The following ODAD2 variants were observed in gnomAD, a reference collection of about 807,000 sequenced individuals.
ODAD2 encodes outer dynein arm-docking complex subunit 2.
ODAD2 carries 89 observed loss-of-function variants against 106.8 expected under a neutral mutation model. The observed-to-expected ratio is 0.83, with a 90% CI of 0.70 to 0.99. The LOEUF (loss-of-function observed/expected upper bound fraction) is 0.99. ODAD2 is among the 50% of genes least tolerant of loss of function. ODAD2 has a pLI of 0.00. For synonymous variants in ODAD2, 404 were observed against 436.2 expected (o/e 0.93, Z 0.92); for missense variants, 1,168 against 1,238.5 (o/e 0.94, Z 0.85).
chr10:27,993,809 G>A (rs1412171132), intron 2 of ODAD2, among the ~76,000 whole-genome samples: 1 of 152,100 alleles, frequency 6.6e-6, no homozygotes, highest in Non-Finnish European at 1.5e-5. Flanking sequence ...ATCCCAAAGG[G>A]AGAAAAGGGA....
chr10:27,938,050 T>C (rs1479963644), intron 14 of ODAD2, among the ~76,000 whole-genome samples: 1 of 152,098 alleles, frequency 6.6e-6, no homozygotes, highest in African/African-American at 2.4e-5. Flanking sequence ...TTCAAGCAAT[T>C]CTCGTGCCTC....
chr10:27,857,294 T>C (rs2133286734), intron 19 of ODAD2, among the ~76,000 whole-genome samples: 1 of 152,352 alleles, frequency 6.6e-6, no homozygotes, highest in African/African-American at 2.4e-5. Context: ...TTCCTCTAGC[T>C]AATTTTATTG....
intron 17 of ODAD2, among the ~76,000 whole-genome samples, chr10:27,900,024 C>T (rs1442314799): frequency 6.6e-6 from 1 of 152,180 alleles, no homozygotes; most frequent in African/African-American, 2.4e-5. Context: ...GACTGGGAGA[C>T]ACCTCCCAGC....
intron 17 of ODAD2, among the ~76,000 whole-genome samples, chr10:27,878,162 G>T (rs79444079): frequency 0.03 from 4,498 of 152,164 alleles, 139 homozygotes; most frequent in East Asian, 0.13. Context: ...AACAAAAACA[G>T]TCATTGAGAA....
intron 9 of ODAD2, among the ~76,000 whole-genome samples, chr10:27,963,553 C>T (rs2132875781): frequency 6.6e-6 from 1 of 152,214 alleles, no homozygotes; most frequent in South Asian, 2.1e-4. Flanking sequence ...CAATACTTTT[C>T]CTCTAACTCT....
At chr10:27,844,371 A>T (rs907307185) in intron 19 of ODAD2, among the ~76,000 whole-genome samples, 5 of 152,196 alleles carry the variant, frequency 3.3e-5, no homozygotes, top group African/African-American at 1.2e-4. Flanking sequence ...CCATGAAGCA[A>T]GCAAACTCTC....
At chr10:27,860,982 G>A (rs1840004547) in intron 18 of ODAD2, 136 bp from the exon 19 acceptor site, 1 of 706,288 alleles carries the variant, frequency 1.4e-6, no homozygotes, top group African/African-American at 1.8e-5. Flanking sequence ...GACTACCTAG[G>A]TGATGTTTTG....
intron 16 of ODAD2, among the ~76,000 whole-genome samples, chr10:27,909,765 T>C (rs573073071): frequency 3.8e-5 from 5 of 131,446 alleles, no homozygotes; most frequent in African/African-American, 1.5e-4. Flanking sequence ...TTGCAGTGAG[T>C]CGAGATTGCA....
Position 27,862,554 on chromosome 10 carries a change from A to T in ODAD2, c.2679T>A (p.Asp893Glu). 5 of 1,611,314 alleles carry T rather than the reference A, an allele frequency of 3.1e-6. No individual in the cohort carries two copies. The highest frequency in any genetic ancestry group is 4.2e-6 in the Non-Finnish European group (5 of 1,178,774). ...ATACACTTGCCAGAACTTCTTTGTTATCTGATTTCAGTAAATTGACAATAA... is the reference window on the plus strand; with the variant it reads ...ATACACTTGCCAGAACTTCTTTGTTTTCTGATTTCAGTAAATTGACAATAA... ...LELIVNLLKS[D>E]NKEVLASVCA... The change falls in exon 18 of 20, where the codon GAT (aspartate) becomes GAA (glutamate). Residue 893 changes from aspartate (D) to glutamate (E), a missense_variant. By Grantham distance (45) the Asp-to-Glu change is conservative (BLOSUM62 2). This residue lies in a region of ODAD2 where 701 missense variants were observed against 712.3 expected (regional missense o/e 0.98). Coordinates refer to ENST00000305242, the MANE Select transcript of ODAD2 (RefSeq NM_018076.5).
intron 16 of ODAD2, among the ~76,000 whole-genome samples, chr10:27,908,750 G>A (rs1412353839): frequency 4.6e-5 from 5 of 109,094 alleles, no homozygotes; most frequent in Non-Finnish European, 1.0e-4. Context: ...TCTTAGATGA[G>A]TTTACCAGGG....
rs543650577 is a variant in ODAD2, at chr10:27,874,057, A to C, written c.2611-11435T>G. Reference sequence around the variant, plus strand: ...GGGTGCTTCTGTATTGGGTGCATATATATTTAGGATAGTTAGTTCTCCTTG... The same window carrying C: ...GGGTGCTTCTGTATTGGGTGCATATCTATTTAGGATAGTTAGTTCTCCTTG... On this transcript the variant is annotated intron_variant, in intron 17 of 19. Coordinates refer to ENST00000305242, the MANE Select transcript of ODAD2 (RefSeq NM_018076.5). Among the ~76,000 whole-genome samples the C allele has an allele frequency of 8.1e-4, 123 of 152,296 alleles. 2 individuals are homozygous for C. Among genetic ancestry groups the C allele is most frequent in the African/African-American group, 2.7e-3 (114 of 41,556 alleles).
At chr10:27,836,871 A>G (rs570440873) in intron 19 of ODAD2, among the ~76,000 whole-genome samples, 4 of 152,352 alleles carry the variant, frequency 2.6e-5, no homozygotes, top group African/African-American at 9.6e-5. Context: ...GTTGAAACAC[A>G]GAGGACTTAT....
Position 27,842,154 on chromosome 10 carries a change from T to A in ODAD2, c.3021+18471A>T, listed in dbSNP as rs192149485. 5.3e-5 allele frequency among the ~76,000 whole-genome samples: 8 copies of A among 152,322 alleles called. No homozygotes were observed. In the East Asian group the frequency reaches 1.5e-3, roughly 29 times the overall value. ...TCATTAGTCTTCATTTGACCCCCTT[T>A]GTTTCCTTTACAGCATTCAGCACAC... On this transcript the variant is annotated intron_variant, in intron 19 of 19. Coordinates refer to ENST00000305242, the MANE Select transcript of ODAD2 (RefSeq NM_018076.5).
chr10:27,901,388 T>C (rs1030862105), intron 17 of ODAD2, among the ~76,000 whole-genome samples: 3 of 152,192 alleles, frequency 2.0e-5, no homozygotes, highest in Middle Eastern at 3.4e-3. Flanking sequence ...ATCAACACTA[T>C]GAAGAAACTA....
At chr10:27,976,103 T>C (rs901345347) in intron 7 of ODAD2, among the ~76,000 whole-genome samples, 16 of 152,122 alleles carry the variant, frequency 1.1e-4, no homozygotes, top group African/African-American at 3.4e-4. Flanking sequence ...TCATTCCTAA[T>C]AAAAGTTCTC....
intron 16 of ODAD2, among the ~76,000 whole-genome samples, chr10:27,909,000 AAC>A (rs1325075019): frequency 2.0e-5 from 3 of 152,182 alleles, no homozygotes; most frequent in African/African-American, 7.2e-5. Context: ...GCTGAGAGAA[AAC>A]AGTTTTATTT....
At chr10:27,877,497 A>G (rs764219226) in intron 17 of ODAD2, among the ~76,000 whole-genome samples, 1 of 152,106 alleles carries the variant, frequency 6.6e-6, no homozygotes, top group African/African-American at 2.4e-5. Context: ...TCTGAAGTTT[A>G]TTTGTTTTGA....
chr10:27,852,732 G>A (rs1044655350), intron 19 of ODAD2, among the ~76,000 whole-genome samples: 4 of 150,310 alleles, frequency 2.7e-5, no homozygotes, highest in South Asian at 2.1e-4. Context: ...AGGCGGAGGC[G>A]GGTGGATCAC....
intron 9 of ODAD2, among the ~76,000 whole-genome samples, chr10:27,967,375 T>C (rs1271400571): frequency 6.6e-6 from 1 of 152,026 alleles, no homozygotes; most frequent in Non-Finnish European, 1.5e-5. Context: ...ACTGACAAAG[T>C]AACGAAGGAC....
Sources: allele counts gnomAD v4.1 joint callset (sites outside exome capture counted in the v4.1 genomes callset), GRCh38; gene constraint gnomAD v4.1.1; regional missense constraint gnomAD v4.1.1; transcripts MANE v1.5; gene names NCBI Gene and HGNC (gene_info 2026-07-23, HGNC 2026-07-21).